NFATC3: variants seen among roughly 807,000 people sequenced by gnomAD.
NFATC3 encodes the protein nuclear factor of activated T cells 3, also known as nuclear factor of activated T-cells, cytoplasmic 3.
Under a neutral mutation model 98.6 loss-of-function variants are expected in NFATC3, and 46 were observed. The observed-to-expected ratio is 0.47, with a 90% CI of 0.37 to 0.60. NFATC3 has a LOEUF of 0.60. Among genes scored for constraint, NFATC3 ranks in the 20% least tolerant of loss-of-function variants. The probability of loss-of-function intolerance (pLI) is 0.00; values close to 1 mark genes in which losing one functional copy is unlikely to be tolerated. For synonymous variants in NFATC3, 512 were observed against 472.2 expected (o/e 1.08, Z -1.09); for missense variants, 1,256 against 1,295.5 (o/e 0.97, Z 0.47).
At chr16:68,164,908 T>C (rs2039114621) in intron 4 of NFATC3, among the ~76,000 whole-genome samples, 1 of 152,146 alleles carries the variant, frequency 6.6e-6, no homozygotes. Flanking sequence ...TTTAAAAAAA[T>C]AAATAAATGT....
At chr16:68,136,019 C>T (rs1360847198) in intron 3 of NFATC3, among the ~76,000 whole-genome samples, 1 of 151,414 alleles carries the variant, frequency 6.6e-6, no homozygotes, top group Non-Finnish European at 1.5e-5. Flanking sequence ...GCCGAGATCG[C>T]GTCATTGCAC....
At chr16:68,092,333 G>A (rs2034758962) in intron 1 of NFATC3, among the ~76,000 whole-genome samples, 1 of 151,596 alleles carries the variant, frequency 6.6e-6, no homozygotes, top group African/African-American at 2.4e-5. Flanking sequence ...GGCGGGCGCT[G>A]TAATCCCGGC....
chr16:68,152,137 C>T lies in NFATC3; in HGVS notation c.1402-5732C>T, dbSNP rs1176675904. ...CAGCACTTTGAGAGGCCAAGGTGGA[C>T]GGATCACTTGAGGTCAGGAGTTCAA... On this transcript the variant is annotated intron_variant, in intron 3 of 9. Transcript: ENST00000346183. Among the ~76,000 whole-genome samples the T allele has an allele frequency of 2.7e-5, 4 of 146,318 alleles. 1 individual carries two copies. Among genetic ancestry groups the T allele is most frequent in the South Asian group, 4.3e-4 (2 of 4,688 alleles).
chr16:68,226,906 A>G lies in NFATC3; in HGVS notation c.*435A>G, dbSNP rs1598644150. On this transcript the variant is annotated 3_prime_UTR_variant, in exon 10 of 10. Coordinates refer to ENST00000346183, the MANE Select transcript of NFATC3 (RefSeq NM_173165.3). ...TAAGACCTTCTAGAAGCAAAAAAAAAAAAAAAAAAAAAAAAAAGAAAAAAA... is the reference window on the plus strand; with the variant it reads ...TAAGACCTTCTAGAAGCAAAAAAAAGAAAAAAAAAAAAAAAAAGAAAAAAA... The G allele has an allele frequency of 7.3e-6, 1 of 136,568 alleles. No individual in the cohort carries two copies. The highest frequency in any genetic ancestry group is 2.6e-5 in the African/African-American group (1 of 38,304). 8.5% of individuals were successfully genotyped at this position (136,568 alleles called of 1,614,324 possible).
chr16:68,209,813 ACT>A (rs750073508), intron 9 of NFATC3: 71 of 379,466 alleles, frequency 1.9e-4, no homozygotes, highest in Admixed American at 5.2e-4. Flanking sequence ...AACGAATAAA[ACT>A]CTGGCTAACC....
In NFATC3 at chr16:68,138,691, T is replaced by C. The variant is rs557995908; in HGVS notation, c.1401+12081T>C. 3.3e-5 allele frequency: 42 copies of C among 1,287,036 alleles called. No homozygotes were observed. In the East Asian group the frequency reaches 8.3e-4, roughly 26 times the overall value. 79.7% of individuals were successfully genotyped at this position (1,287,036 alleles called of 1,614,324 possible). On this transcript the variant is annotated intron_variant, in intron 3 of 9. Transcript: ENST00000346183. ...AAGTAGTCACATGGCCCTACTTACA[T>C]GCAGAAGTACTGGGAAAAGTAGTCC...
At chr16:68,178,698 C>T (rs1469431682) in intron 6 of NFATC3, among the ~76,000 whole-genome samples, 2 of 152,166 alleles carry the variant, frequency 1.3e-5, no homozygotes, top group Admixed American at 6.5e-5. Context: ...GAATAAGGAG[C>T]AGGAGGAAGA....
At chr16:68,160,731 C>G (rs1416269028) in intron 4 of NFATC3, among the ~76,000 whole-genome samples, 1 of 151,764 alleles carries the variant, frequency 6.6e-6, no homozygotes, top group Non-Finnish European at 1.5e-5. Context: ...GTTGCCCAGG[C>G]TGGAGTGCAG....
At position 68,167,146 on chromosome 16, in the gene NFATC3, C is replaced by T. The variant is rs548158022; in HGVS notation, c.1774+131C>T. ...ATCTGGGTTGCTGGTTTGATTTTCT[C>T]ATGTGGAAATGAGCTAACATGTTTG... On this transcript the variant is annotated intron_variant, in intron 5 of 9. Coordinates refer to ENST00000346183, the MANE Select transcript of NFATC3 (RefSeq NM_173165.3). 245 of 904,436 alleles carry T rather than the reference C, an allele frequency of 2.7e-4. 1 individual carries two copies. In the South Asian group the frequency reaches 3.7e-3, roughly 13 times the overall value. The allele number at this position is 904,436 out of a possible 1,614,324, so 56.0% of individuals were successfully genotyped here.
At chr16:68,159,579 C>T (rs533842025) in intron 4 of NFATC3, among the ~76,000 whole-genome samples, 127 of 151,614 alleles carry the variant, frequency 8.4e-4, no homozygotes, top group African/African-American at 2.9e-3. Context: ...CCTGCCACCA[C>T]GCCCGGCTAA....
At chr16:68,171,114 TC>T (rs1788255483) in intron 5 of NFATC3, among the ~76,000 whole-genome samples, 1 of 151,942 alleles carries the variant, frequency 6.6e-6, no homozygotes, top group Admixed American at 6.6e-5. Flanking sequence ...TTCAAACAAT[TC>T]CCCCGGCTCA....
At position 68,131,152 on chromosome 16, in the gene NFATC3, A is replaced by G. The variant is rs56831459; in HGVS notation, c.1401+4542A>G. Among the ~76,000 whole-genome samples the G allele has an allele frequency of 6.3e-3, 962 of 152,234 alleles. 11 individuals are homozygous for G. The highest frequency in any genetic ancestry group is 0.022 in the African/African-American group (919 of 41,532). On this transcript the variant is annotated intron_variant, in intron 3 of 9. Transcript: ENST00000346183. ...TGGGGTCTTTGGTGGTTCAATTTAA[A>G]TTTTAAGATTGTTTTTTCTATTTCT...
At position 68,170,386 on chromosome 16, in the gene NFATC3, CAAAA is replaced by C. The variant is rs112305272; in HGVS notation, c.1774+3385_1774+3388del. Among the ~76,000 whole-genome samples, 88 of 81,054 alleles carry C rather than the reference CAAAA, an allele frequency of 1.1e-3. 1 individual carries two copies. The highest frequency in any genetic ancestry group is 0.01 in the Admixed American group (77 of 7,378). The allele number at this position is 81,054 out of a possible 152,430, so 53.2% of individuals were successfully genotyped here. A position where few individuals can be genotyped will look rare whatever the true frequency, so the allele number is the denominator to read the frequency against. ...TCCTGGCAACAACGAGATTCTGTCTCAAAAAAAAAAAAAAAAAGCACAAAATGGT... is the reference window on the plus strand; with the variant it reads ...TCCTGGCAACAACGAGATTCTGTCTCAAAAAAAAAAAAAGCACAAAATGGT... On this transcript the variant is annotated intron_variant, in intron 5 of 9. Coordinates refer to ENST00000346183, the MANE Select transcript of NFATC3 (RefSeq NM_173165.3).
chr16:68,174,405 T>C lies in NFATC3; in HGVS notation c.1806T>C (p.Ile602=), dbSNP rs2039597353. The C allele has an allele frequency of 1.3e-6, 2 of 1,559,128 alleles. No homozygotes were observed. The change falls in exon 6 of 10, where the codon ATT becomes ATC. Residue 602 remains isoleucine, a synonymous_variant. Transcript: ENST00000346183. ...SQRSAQELPH[I]EKYSINSCSV... is the part of the protein sequence containing the mutation. ...GGTCTGCTCAAGAACTTCCTCATAT[T>C]GAGAAGTACAGTATCAACAGTTGTT...
chr16:68,158,147 A>G, intron 4 of NFATC3, 79 bp downstream of exon 4: 3 of 865,554 alleles, frequency 3.5e-6, no homozygotes, highest in Non-Finnish European at 5.2e-6. Flanking sequence ...ATTTTTGAAT[A>G]TAAATATAAA....
At chr16:68,138,767 T>C (rs1424300328) in intron 3 of NFATC3, 10 of 1,281,842 alleles carry the variant, frequency 7.8e-6, no homozygotes, top group South Asian at 2.5e-5. Flanking sequence ...TAGTATAATA[T>C]AGAACTCTAT....
Position 68,174,454 on chromosome 16 carries a change from G to T in NFATC3, c.1855G>T (p.Val619Phe). The T allele has an allele frequency of 6.2e-7, 1 of 1,605,292 alleles. No homozygotes were observed. The highest frequency in any genetic ancestry group is 2.2e-5 in the East Asian group (1 of 44,530). The change falls in exon 6 of 10, where the codon GTT becomes TTT. Residue 619 changes from valine (V) to phenylalanine (F), a missense_variant. Coordinates refer to ENST00000346183, the MANE Select transcript of NFATC3 (RefSeq NM_173165.3). ...SCSVNGGHEM[V>F]VTGSNFLPES... ...TTCTGTAAATGGAGGTCATGAAATG[G>T]TTGTGACTGGATCTAATTTTCTTCC...
At chr16:68,213,275 C>T (rs1031394994) in intron 9 of NFATC3, among the ~76,000 whole-genome samples, 124 of 150,874 alleles carry the variant, frequency 8.2e-4, no homozygotes, top group African/African-American at 2.6e-3. Context: ...ATTAGCCGGG[C>T]GTGGTGGCGG....
Position 68,121,242 on chromosome 16 carries a change from CTTTTTTTTT to C in NFATC3, c.104-731_104-723del, listed in dbSNP as rs753615194. ...AGGAATATCTCATTTCTTTTCTTTT[CTTTTTTTTT>C]TTTTTTTTTTTTTGAGACGGAGTCT... On this transcript the variant is annotated intron_variant, in intron 1 of 9. Transcript: ENST00000346183. Among the ~76,000 whole-genome samples, 95 of 102,366 alleles carry C rather than the reference CTTTTTTTTT, an allele frequency of 9.3e-4. 2 individuals are homozygous for C. The highest frequency in any genetic ancestry group is 3.6e-3 in the African/African-American group (92 of 25,644). 67.2% of individuals were successfully genotyped at this position (102,366 alleles called of 152,430 possible). A position where few individuals can be genotyped will look rare whatever the true frequency, so the allele number is the denominator to read the frequency against.
Sources: gnomAD v4.1 joint callset for allele counts (sites outside exome capture counted in the v4.1 genomes callset) on GRCh38, gnomAD v4.1.1 for gene constraint, MANE v1.5 for transcripts, NCBI Gene and HGNC (gene_info 2026-07-23, HGNC 2026-07-21) for gene names.